The following ZNF33A variants were observed in gnomAD, a reference collection of about 807,000 sequenced individuals.
ZNF33A encodes brain my041 protein.
ZNF33A carries 9 observed loss-of-function variants against 15.9 expected under a neutral mutation model. The ratio of observed to expected loss-of-function variants is 0.57; its 90% CI spans 0.34 to 0.99. ZNF33A has a LOEUF of 0.99. Ranked by LOEUF, ZNF33A falls within the 50% of genes least tolerant of loss-of-function variation. ZNF33A has a pLI of 0.02. For synonymous variants in ZNF33A, 294 were observed against 324.2 expected, an observed-to-expected ratio of 0.91 and a Z score of 1.00; for missense variants, 843 against 941.6, an observed-to-expected ratio of 0.90 and a Z score of 1.37.
At chr10:38,013,991 C>G (rs1047781981) in intron 2 of ZNF33A, among the ~76,000 whole-genome samples, 30 of 146,720 alleles carry the variant, frequency 2.0e-4, no homozygotes, top group African/African-American at 7.6e-4. Flanking sequence ...ATAGTTGTGA[C>G]AGGAACATTT....
Position 38,058,491 on chromosome 10 carries a change from G to A in ZNF33A, c.*1931G>A. 6.6e-6 allele frequency: 1 copy of A among 152,196 alleles called. No individual in the cohort carries two copies. The highest frequency in any genetic ancestry group is 2.1e-4 in the South Asian group (1 of 4,830). The allele number at this position is 152,196 out of a possible 1,614,324, so 9.4% of individuals were successfully genotyped here. The stretch of plus-strand genomic sequence containing the variant: ...GTAATTAATAACCTTCCAAGGCCAG[G>A]TACAGTGGTTCATGCCTGTAATCCC... On this transcript the variant is annotated 3_prime_UTR_variant, in exon 5 of 5. Transcript: ENST00000432900.
chr10:38,052,572 C>T (rs1479650328), intron 4 of ZNF33A, among the ~76,000 whole-genome samples: 1 of 152,046 alleles, frequency 6.6e-6, no homozygotes, highest in Non-Finnish European at 1.5e-5. Context: ...TAGTAATTAG[C>T]AGGATTTCTT....
intron 2 of ZNF33A, among the ~76,000 whole-genome samples, chr10:38,012,892 G>A (rs988159810): frequency 6.6e-6 from 1 of 152,184 alleles, no homozygotes; most frequent in African/African-American, 2.4e-5. Context: ...GGAAGACACT[G>A]GATACAGACA....
At chr10:38,033,823 G>A (rs1377689620) in intron 4 of ZNF33A, among the ~76,000 whole-genome samples, 1 of 151,312 alleles carries the variant, frequency 6.6e-6, no homozygotes, top group African/African-American at 2.4e-5. Context: ...AAGCAGTTCT[G>A]TGCCTCAGCC....
chr10:38,015,812 G>A (rs911574309), intron 2 of ZNF33A, among the ~76,000 whole-genome samples: 1 of 152,026 alleles, frequency 6.6e-6, no homozygotes, highest in African/African-American at 2.4e-5. Flanking sequence ...CCTATTATCC[G>A]TGCCCTATTT....
At chr10:38,034,943 A>G (rs532120093) in intron 4 of ZNF33A, among the ~76,000 whole-genome samples, 1 of 152,218 alleles carries the variant, frequency 6.6e-6, no homozygotes, top group South Asian at 2.1e-4. Flanking sequence ...AAATAGTTCT[A>G]CATGTAACCA....
intron 1 of ZNF33A, 44 bp from the exon 2 acceptor site, chr10:38,012,254 C>G: frequency 6.3e-7 from 1 of 1,595,028 alleles, no homozygotes; most frequent in South Asian, 1.1e-5. Context: ...AGTTGCCAGG[C>G]AGGCCAAATC....
chr10:38,022,892 C>T (rs573208687), intron 4 of ZNF33A, among the ~76,000 whole-genome samples: 1 of 152,238 alleles, frequency 6.6e-6, no homozygotes, highest in South Asian at 2.1e-4. Context: ...AACATTTACA[C>T]AAGAATTAAT....
chr10:38,041,776 A>G (rs1006363399), intron 4 of ZNF33A, among the ~76,000 whole-genome samples: 1 of 152,216 alleles, frequency 6.6e-6, no homozygotes, highest in African/African-American at 2.4e-5. Context: ...AACACTTTTG[A>G]TGCCAAGCAT....
Position 38,016,925 on chromosome 10 carries a change from A to C in ZNF33A, c.64A>C (p.Thr22Pro). The change falls in exon 3 of 5, where the codon ACC (threonine) becomes CCC (proline). Residue 22 changes from threonine to proline, a missense_variant. By Grantham distance (38) the Thr-to-Pro change is conservative. Coordinates refer to ENST00000432900, the MANE Select transcript of ZNF33A (RefSeq NM_006954.2). ...VSFKDVTVGF[T>P]QEEWQHLDPS... is the part of the protein sequence containing the mutation. ...ATTTAAAGATGTGACTGTGGGCTTC[A>C]CCCAGGAGGAGTGGCAGCACCTGGA... 1.9e-6 allele frequency: 3 copies of C among 1,614,112 alleles called. No individual in the cohort carries two copies. The highest frequency in any genetic ancestry group is 2.5e-6 in the Non-Finnish European group (3 of 1,180,016).
At chr10:38,042,288 C>T (rs1341986463) in intron 4 of ZNF33A, among the ~76,000 whole-genome samples, 8 of 151,612 alleles carry the variant, frequency 5.3e-5, no homozygotes, top group Non-Finnish European at 7.4e-5. Flanking sequence ...TGGGTTCAAG[C>T]GATTCTCCTG....
At chr10:38,062,815 A>T (rs1327616733), downstream of ZNF33A, among the ~76,000 whole-genome samples, 1 of 152,014 alleles carries the variant, frequency 6.6e-6, no homozygotes, top group Admixed American at 6.6e-5. Context: ...CATCCTGGCT[A>T]ACACGGTGAA....
rs755192800 is a variant in ZNF33A, at chr10:38,055,748, G to A, written c.1624G>A (p.Val542Ile). Residue 542 changes from valine (V) to isoleucine (I), a missense_variant, in exon 5 of 5, where the codon GTA becomes ATA. Val to Ile is a conservative substitution (Grantham distance 29). Transcript: ENST00000432900. ...CTTCTGCTTGAAGTCAGACCTCACA[G>A]TACATCAGAGAACACACACAGGGCA... ...KTFCLKSDLTVHQRTHTGQKP... is the reference protein window; with the variant it reads ...KTFCLKSDLTIHQRTHTGQKP... 5 of 1,609,978 alleles carry A rather than the reference G, an allele frequency of 3.1e-6. No homozygotes were observed. Among genetic ancestry groups the A allele is most frequent in the Non-Finnish European group, 2.5e-6 (3 of 1,178,340 alleles).
downstream of ZNF33A, among the ~76,000 whole-genome samples, chr10:38,067,193 A>G (rs1309903103): frequency 1.3e-5 from 2 of 152,156 alleles, no homozygotes; most frequent in Non-Finnish European, 2.9e-5. Flanking sequence ...ATCAATGAAT[A>G]CACCAGACCA....
intron 4 of ZNF33A, among the ~76,000 whole-genome samples, chr10:38,044,790 C>T (rs1395295438): frequency 6.6e-6 from 1 of 152,052 alleles, no homozygotes; most frequent in Non-Finnish European, 1.5e-5. Context: ...GCTTCAGCCT[C>T]CAGAGTAGCT....
intron 4 of ZNF33A, among the ~76,000 whole-genome samples, chr10:38,023,118 G>T (rs374852821): frequency 1.0e-3 from 154 of 152,162 alleles, no homozygotes; most frequent in African/African-American, 3.5e-3. Context: ...GCTAATTTCT[G>T]TATTTTTAGT....
At position 38,058,621 on chromosome 10, in the gene ZNF33A, A is replaced by C. The variant is rs1056469983; in HGVS notation, c.*2061A>C. ...CCCCTATCTACTAAAAATACAAAAA[A>C]TTAGCTGGGCATGGTGGCATGCGTG... is the stretch of plus-strand genomic sequence containing the variant. On this transcript the variant is annotated 3_prime_UTR_variant, in exon 5 of 5. Transcript: ENST00000432900. The C allele has an allele frequency of 6.6e-6, 1 of 152,088 alleles. No individual in the cohort carries two copies. The highest frequency in any genetic ancestry group is 2.4e-5 in the African/African-American group (1 of 41,410). 9.4% of individuals were successfully genotyped at this position (152,088 alleles called of 1,614,324 possible).
At chr10:38,050,999 A>C (rs1048366657) in intron 4 of ZNF33A, among the ~76,000 whole-genome samples, 1 of 152,222 alleles carries the variant, frequency 6.6e-6, no homozygotes, top group African/African-American at 2.4e-5. Context: ...ATTTGATGGG[A>C]GAGAACATGA....
chr10:38,014,579 G>A lies in ZNF33A; in HGVS notation c.9+2229G>A, dbSNP rs183328977. ...AGATTCCTTTTTTCATGTGGTTAAT[G>A]TAGAATTATTTTTGAAAACACCATC... On this transcript the variant is annotated intron_variant, in intron 2 of 4. Coordinates refer to ENST00000432900, the MANE Select transcript of ZNF33A (RefSeq NM_006954.2). 2.6e-4 allele frequency among the ~76,000 whole-genome samples: 40 copies of A among 152,296 alleles called. No individual in the cohort carries two copies. In the East Asian group the frequency reaches 5.6e-3, roughly 21 times the overall value.
Sources: gnomAD v4.1 joint callset for allele counts (sites outside exome capture counted in the v4.1 genomes callset) on GRCh38, gnomAD v4.1.1 for gene constraint, MANE v1.5 for transcripts, NCBI Gene and HGNC (gene_info 2026-07-23, HGNC 2026-07-21) for gene names.